Variants in EXOC6 observed in about 807,000 individuals in gnomAD.
EXOC6 encodes the protein exocyst complex component 6.
EXOC6 carries 60 observed loss-of-function variants against 112.5 expected under a neutral mutation model. That is an observed-to-expected ratio of 0.53 (90% CI 0.43 to 0.66). EXOC6 has a LOEUF of 0.66. Ranked by LOEUF, EXOC6 falls within the 30% of genes least tolerant of loss-of-function variation. The probability of loss-of-function intolerance (pLI) is 0.00; values close to 1 mark genes in which losing one functional copy is unlikely to be tolerated. For synonymous variants in EXOC6, 295 were observed against 308.0 expected, an observed-to-expected ratio of 0.96 and a Z score of 0.44; for missense variants, 855 against 957.1, an observed-to-expected ratio of 0.89 and a Z score of 1.41.
chr10:92,915,741 C>T lies in EXOC6; in HGVS notation c.664-17C>T. The T allele has an allele frequency of 1.3e-6, 2 of 1,490,460 alleles. No homozygotes were observed. The highest frequency in any genetic ancestry group is 1.8e-6 in the Non-Finnish European group (2 of 1,129,190). The allele number at this position is 1,490,460 out of a possible 1,614,324, so 92.3% of individuals were successfully genotyped here. A position where few individuals can be genotyped will look rare whatever the true frequency, so the allele number is the denominator to read the frequency against. On this transcript the variant is annotated splice_polypyrimidine_tract_variant and intron_variant, in intron 6 of 21. Coordinates refer to ENST00000260762, the MANE Select transcript of EXOC6 (RefSeq NM_019053.6). ...ATCAGTTTTGAAATAATCTGAATTT[C>T]TCTCTCTTCAAAATAGGCACAGCAT... is the stretch of plus-strand genomic sequence containing the variant.
At chr10:92,839,021 C>T (rs1188316105) in intron 1 of EXOC6, among the ~76,000 whole-genome samples, 1 of 151,740 alleles carries the variant, frequency 6.6e-6, no homozygotes, top group South Asian at 2.1e-4. Flanking sequence ...TGCTGTAAGC[C>T]GAGATCGGGC....
At chr10:92,850,829 T>C (rs71480843) in intron 1 of EXOC6, among the ~76,000 whole-genome samples, 1 of 152,200 alleles carries the variant, frequency 6.6e-6, no homozygotes, top group Non-Finnish European at 1.5e-5. Context: ...ATTTATATTG[T>C]TTTTTCTCAG....
At chr10:92,834,597 C>T, upstream of EXOC6, 1 of 609,276 alleles carries the variant, frequency 1.6e-6, no homozygotes, top group Non-Finnish European at 2.8e-6. Context: ...AGACAGTGAG[C>T]TTGTTTTTGT....
At chr10:93,057,619 A>G (rs1846608000) in intron 21 of EXOC6, among the ~76,000 whole-genome samples, 1 of 152,156 alleles carries the variant, frequency 6.6e-6, no homozygotes, top group Non-Finnish European at 1.5e-5. Context: ...AAATGTCACT[A>G]TTGGGAGACT....
At chr10:92,936,897 A>G (rs1389175256) in intron 12 of EXOC6, among the ~76,000 whole-genome samples, 1 of 152,010 alleles carries the variant, frequency 6.6e-6, no homozygotes, top group Non-Finnish European at 1.5e-5. Context: ...ATCCTCTCCC[A>G]TCCTGGATAT....
chr10:92,918,598 A>AT, intron 7 of EXOC6, among the ~76,000 whole-genome samples: 1 of 151,854 alleles, frequency 6.6e-6, no homozygotes, highest in South Asian at 2.1e-4. Flanking sequence ...ATTTTTTTAT[A>AT]TTTTTTGTAG....
At chr10:92,848,468 A>G (rs1224369250), upstream of EXOC6, 2 of 464,652 alleles carry the variant, frequency 4.3e-6, no homozygotes, top group Non-Finnish European at 6.4e-6. Context: ...CGCTCGCGCC[A>G]CTTGGAGCTC....
chr10:92,888,448 G>T (rs1378539592), intron 1 of EXOC6, among the ~76,000 whole-genome samples: 1 of 152,084 alleles, frequency 6.6e-6, no homozygotes, highest in Non-Finnish European at 1.5e-5. Context: ...AAGAACTATT[G>T]TTCTCTTCTT....
intron 1 of EXOC6, among the ~76,000 whole-genome samples, chr10:92,863,924 AAAAC>A: frequency 1.3e-5 from 2 of 151,530 alleles, no homozygotes; most frequent in African/African-American, 4.8e-5. Context: ...CAAAAAAAAA[AAAAC>A]AAAACAAAAA....
chr10:93,048,263 T>TAA (rs374081551), intron 20 of EXOC6, among the ~76,000 whole-genome samples: 1 of 142,524 alleles, frequency 7.0e-6, no homozygotes, highest in African/African-American at 2.6e-5. Flanking sequence ...TAAAGTATAA[T>TAA]AAAAAAAAAA....
chr10:92,840,688 G>A (rs1004775832), intron 1 of EXOC6, among the ~76,000 whole-genome samples: 1 of 147,828 alleles, frequency 6.8e-6, no homozygotes, highest in Non-Finnish European at 1.5e-5. Context: ...TTTTGAGACA[G>A]GGTCTGTCTC....
chr10:92,902,881 A>T, intron 5 of EXOC6, among the ~76,000 whole-genome samples: 1 of 152,192 alleles, frequency 6.6e-6, no homozygotes, highest in East Asian at 1.9e-4. Context: ...TAATGTTTTT[A>T]AAATTCGTCT....
intron 1 of EXOC6, among the ~76,000 whole-genome samples, chr10:92,875,946 A>G (rs911584532): frequency 8.5e-5 from 13 of 152,074 alleles, no homozygotes; most frequent in African/African-American, 2.9e-4. Context: ...TGTATATATA[A>G]AAATCACTTA....
chr10:92,845,419 G>A (rs1267488321), upstream of EXOC6, among the ~76,000 whole-genome samples: 1 of 151,940 alleles, frequency 6.6e-6, no homozygotes, highest in Non-Finnish European at 1.5e-5. Flanking sequence ...TGGATGTGGT[G>A]ACATGTACCT....
chr10:92,859,442 A>G (rs1847790644), intron 1 of EXOC6, among the ~76,000 whole-genome samples: 1 of 152,184 alleles, frequency 6.6e-6, no homozygotes, highest in African/African-American at 2.4e-5. Context: ...TTCGGCTGTT[A>G]GATTCCAGTA....
At chr10:92,877,549 G>T (rs1223513607) in intron 1 of EXOC6, among the ~76,000 whole-genome samples, 1 of 152,110 alleles carries the variant, frequency 6.6e-6, no homozygotes, top group Non-Finnish European at 1.5e-5. Flanking sequence ...GGAAAAAGAT[G>T]ATTTTTATTT....
At chr10:92,987,329 T>A (rs572844811) in intron 18 of EXOC6, among the ~76,000 whole-genome samples, 2 of 152,212 alleles carry the variant, frequency 1.3e-5, no homozygotes, top group Admixed American at 6.5e-5. Flanking sequence ...GTGCTAAAGC[T>A]CTTGGTTTTT....
At chr10:92,831,338 A>T, upstream of EXOC6, 1 of 1,288,958 alleles carries the variant, frequency 7.8e-7, no homozygotes, top group African/African-American at 1.5e-5. Flanking sequence ...GTGTAGGAGG[A>T]GCGGGGTCAT....
intron 1 of EXOC6, among the ~76,000 whole-genome samples, chr10:92,869,420 C>T (rs1437278953): frequency 6.6e-6 from 1 of 152,078 alleles, no homozygotes; most frequent in African/African-American, 2.4e-5. Context: ...GGGATCCTCT[C>T]ATTTCAGCCT....
Sources: allele counts gnomAD v4.1 joint callset (sites outside exome capture counted in the v4.1 genomes callset), GRCh38; gene constraint gnomAD v4.1.1; transcripts MANE v1.5; gene names NCBI Gene and HGNC (gene_info 2026-07-23, HGNC 2026-07-21).